BRD1: variants seen among roughly 807,000 people sequenced by gnomAD.
The protein encoded by BRD1 is bromodomain containing 1, also known as bromodomain-containing protein 1.
Under a neutral mutation model 107.7 loss-of-function variants are expected in BRD1, and 24 were observed. The observed-to-expected ratio is 0.22, with a 90% CI of 0.16 to 0.31. The LOEUF (loss-of-function observed/expected upper bound fraction) is 0.31, where lower values mean the gene tolerates loss of function less well. Among genes scored for constraint, BRD1 ranks in the 10% least tolerant of loss-of-function variants. The probability of loss-of-function intolerance (pLI) is 1.00; values close to 1 mark genes in which losing one functional copy is unlikely to be tolerated. For missense variants in BRD1, 1,279 were observed against 1,638.6 expected, an observed-to-expected ratio of 0.78 and a Z score of 3.79; for synonymous variants, 744 against 686.1, an observed-to-expected ratio of 1.08 and a Z score of -1.32.
At chr22:49,826,261 C>A in intron 1 of BRD1, 1 of 985,456 alleles carries the variant, frequency 1.0e-6, no homozygotes, top group South Asian at 4.7e-5. Context: ...TGAAGCTCTT[C>A]ATCGCAACAC....
At chr22:49,779,395 C>G (rs114176801) in intron 8 of BRD1, among the ~76,000 whole-genome samples, 142 of 152,322 alleles carry the variant, frequency 9.3e-4, no homozygotes, top group African/African-American at 3.3e-3. Flanking sequence ...AAATCAAGCT[C>G]AGAAGGGAAT....
At position 49,798,173 on chromosome 22, in the gene BRD1, C is replaced by G. The variant is rs2059570435; in HGVS notation, c.1786-56G>C. 1.3e-5 allele frequency: 19 copies of G among 1,461,816 alleles called. No individual in the cohort carries two copies. In the South Asian group the frequency reaches 2.2e-4, roughly 17 times the overall value. 90.6% of individuals were successfully genotyped at this position (1,461,816 alleles called of 1,614,324 possible). A position where few individuals can be genotyped will look rare whatever the true frequency, so the allele number is the denominator to read the frequency against. On this transcript the variant is annotated intron_variant, in intron 5 of 12. Transcript: ENST00000404760. ...CAAACTAAAACAGGATATTAGTTGA[C>G]TCTATATTTATTATTCCATATAACC...
intron 2 of BRD1, among the ~76,000 whole-genome samples, chr22:49,814,525 C>G (rs1029249115): frequency 6.6e-6 from 1 of 152,268 alleles, no homozygotes; most frequent in East Asian, 1.9e-4. Flanking sequence ...AGGGCCACAT[C>G]TGGGATCCTC....
chr22:49,797,321 A>G (rs2059553225), intron 6 of BRD1, among the ~76,000 whole-genome samples: 2 of 152,252 alleles, frequency 1.3e-5, no homozygotes, highest in Admixed American at 1.3e-4. Flanking sequence ...GCAAAGCCAG[A>G]GATCCTCCGG....
chr22:49,799,724 C>T lies in BRD1; in HGVS notation c.1525-605G>A, dbSNP rs536020445. 2.1e-4 allele frequency among the ~76,000 whole-genome samples: 32 copies of T among 152,330 alleles called. No homozygotes were observed. The East Asian group carries it at 6.2e-3, about 29-fold the overall frequency. On this transcript the variant is annotated intron_variant, in intron 3 of 12. Transcript: ENST00000404760. The stretch of plus-strand genomic sequence containing the variant: ...TCCCTTCTCAGTGGACAGAAGAGTG[C>T]GCCAGACAGCACAGGCCGCCAGCCT...
intron 1 of BRD1, among the ~76,000 whole-genome samples, chr22:49,826,904 G>A (rs1323727151): frequency 6.6e-6 from 1 of 152,170 alleles, no homozygotes; most frequent in Non-Finnish European, 1.5e-5. Flanking sequence ...CCTCAATCGT[G>A]TCACTCGTTT....
chr22:49,821,240 G>A (rs941118226), intron 2 of BRD1, among the ~76,000 whole-genome samples: 3 of 152,210 alleles, frequency 2.0e-5, no homozygotes, highest in Non-Finnish European at 4.4e-5. Flanking sequence ...TCTGGTACTG[G>A]CCAGGGAAGG....
At chr22:49,814,966 G>A (rs556760027) in intron 2 of BRD1, among the ~76,000 whole-genome samples, 3 of 152,208 alleles carry the variant, frequency 2.0e-5, no homozygotes, top group Non-Finnish European at 4.4e-5. Flanking sequence ...ACCCGGCCTA[G>A]AGGAACGTTG....
chr22:49,802,111 C>T (rs1006431134), intron 3 of BRD1, among the ~76,000 whole-genome samples: 3 of 152,054 alleles, frequency 2.0e-5, no homozygotes, highest in Admixed American at 2.0e-4. Flanking sequence ...AAAAGCCTCT[C>T]TTCCATTCCC....
chr22:49,805,210 C>T (rs1219551456), intron 2 of BRD1, among the ~76,000 whole-genome samples: 1 of 152,228 alleles, frequency 6.6e-6, no homozygotes, highest in African/African-American at 2.4e-5. Context: ...CCCTTGGGGG[C>T]ACATGGAGCC....
Position 49,826,822 on chromosome 22 carries a change from G to C in BRD1, c.-15+675C>G, listed in dbSNP as rs184478118. On this transcript the variant is annotated intron_variant, in intron 1 of 12. Coordinates refer to ENST00000404760, the MANE Select transcript of BRD1 (RefSeq NM_001304808.3). Reference sequence around the variant, plus strand: ...AGACGGGGCCGCACCCCGCGGGGCAGGGGGTCCCGCTGCTACGGATTCTCA... The same window carrying C: ...AGACGGGGCCGCACCCCGCGGGGCACGGGGTCCCGCTGCTACGGATTCTCA... 1.6e-3 allele frequency among the ~76,000 whole-genome samples: 237 copies of C among 152,354 alleles called. 2 individuals carry two copies. The East Asian group carries it at 0.033, about 21-fold the overall frequency.
chr22:49,806,236 T>C (rs1158734795), intron 2 of BRD1: 3 of 152,174 alleles, frequency 2.0e-5, no homozygotes, highest in African/African-American at 2.4e-5. Context: ...ACCCATGAGA[T>C]GTGAGAAAAA....
chr22:49,814,371 C>T (rs17001322), intron 2 of BRD1, among the ~76,000 whole-genome samples: 5,485 of 152,288 alleles, frequency 0.036, 214 homozygotes, highest in African/African-American at 0.095. Flanking sequence ...CCACATCCAT[C>T]GCTCAGGAAA....
chr22:49,774,104 C>A lies in BRD1; in HGVS notation c.*129G>T. The A allele has an allele frequency of 7.8e-7, 1 of 1,290,154 alleles. No individual in the cohort carries two copies. The highest frequency in any genetic ancestry group is 1.0e-6 in the Non-Finnish European group (1 of 964,016). 79.9% of individuals were successfully genotyped at this position (1,290,154 alleles called of 1,614,324 possible). A position where few individuals can be genotyped will look rare whatever the true frequency, so the allele number is the denominator to read the frequency against. ...CCTAGAAAACTTGGAAATAAAACCT[C>A]CCCCCTCCCCGGGGAAAAAGAATTA... On this transcript the variant is annotated 3_prime_UTR_variant, in exon 13 of 13. Transcript: ENST00000404760.
chr22:49,777,301 G>T, intron 9 of BRD1, 140 bp from the exon 10 acceptor site: 1 of 1,349,652 alleles, frequency 7.4e-7, no homozygotes. Flanking sequence ...GCCTGTGGGT[G>T]CGCAGGTCTG....
chr22:49,820,258 T>C (rs907244893), intron 2 of BRD1, among the ~76,000 whole-genome samples: 1 of 152,240 alleles, frequency 6.6e-6, no homozygotes, highest in African/African-American at 2.4e-5. Flanking sequence ...ATAAGGAAGA[T>C]CCTCTTTCTC....
chr22:49,774,464 T>C (rs754131937), intron 12 of BRD1, 48 bp from the exon 13 acceptor site: 34 of 1,567,004 alleles, frequency 2.2e-5, no homozygotes, highest in Non-Finnish European at 5.2e-6. Flanking sequence ...GCACATGGTA[T>C]TTCAGCAGGC....
At chr22:49,827,173 C>A (rs1296731189) in intron 1 of BRD1, among the ~76,000 whole-genome samples, 1 of 151,268 alleles carries the variant, frequency 6.6e-6, no homozygotes, top group African/African-American at 2.4e-5. Flanking sequence ...GGCAGGCGCC[C>A]GCGGCCCAGG....
At chr22:49,818,276 C>T (rs1235807627) in intron 2 of BRD1, 2 of 1,275,756 alleles carry the variant, frequency 1.6e-6, no homozygotes, top group African/African-American at 1.5e-5. Flanking sequence ...AGTAGAGGAG[C>T]TCCTCCTAGA....
Sources: allele counts gnomAD v4.1 joint callset (sites outside exome capture counted in the v4.1 genomes callset), GRCh38; gene constraint gnomAD v4.1.1; transcripts MANE v1.5; gene names NCBI Gene and HGNC (gene_info 2026-07-23, HGNC 2026-07-21).